Variants in MYO7A observed in about 807,000 individuals in gnomAD.
MYO7A encodes myosin VIIA.
A neutral mutation model predicts 263.8 loss-of-function variants in MYO7A; 210 were observed. The ratio of observed to expected loss-of-function variants is 0.80; its 90% CI spans 0.71 to 0.89. The LOEUF (loss-of-function observed/expected upper bound fraction) is 0.89, where lower values mean the gene tolerates loss of function less well. Ranked by LOEUF, MYO7A falls within the 40% of genes least tolerant of loss-of-function variation. MYO7A has a pLI of 0.00. For synonymous variants in MYO7A, 1,239 were observed against 1,197.3 expected (o/e 1.03, Z -0.72); for missense variants, 2,820 against 2,968.3 (o/e 0.95, Z 1.16).
rs1951589875 is a variant in MYO7A, at chr11:77,146,676, T to A, written c.133-1122T>A. On this transcript the variant is annotated intron_variant, in intron 3 of 48. Transcript: ENST00000409709. ...GGTGGGGGAGGACATGGCATGTGCA[T>A]CACATCTGCTCAGCGAGTCTCAGGG... Among the ~76,000 whole-genome samples, 9 of 152,118 alleles carry A rather than the reference T, an allele frequency of 5.9e-5. 1 individual carries two copies. In the South Asian group the frequency reaches 1.9e-3, roughly 32 times the overall value.
At chr11:77,196,729 G>GCT (rs34370532) in intron 32 of MYO7A, among the ~76,000 whole-genome samples, 88,336 of 151,500 alleles carry the variant, frequency 0.58, 26,192 homozygotes, top group African/African-American at 0.68. Context: ...CCCCTCATGG[G>GCT]CTCTCATGGG....
chr11:77,201,095 C>T (rs925513514), intron 35 of MYO7A, among the ~76,000 whole-genome samples: 1 of 152,158 alleles, frequency 6.6e-6, no homozygotes, highest in African/African-American at 2.4e-5. Context: ...AGCGTGATGC[C>T]AGCACAGAGG....
At chr11:77,160,140 A>G (rs1952849297) in intron 10 of MYO7A, 23 bp from the exon 11 acceptor site, 2 of 1,544,206 alleles carry the variant, frequency 1.3e-6, no homozygotes, top group Non-Finnish European at 1.7e-6. Context: ...GCAGGTGAGC[A>G]CCTGGGGTGT....
intron 15 of MYO7A, among the ~76,000 whole-genome samples, chr11:77,166,543 A>G (rs1193741746): frequency 6.6e-6 from 1 of 152,154 alleles, no homozygotes; most frequent in Admixed American, 6.5e-5. Flanking sequence ...AGAAGCTGGC[A>G]CAGAGGGCAT....
intron 37 of MYO7A, 111 bp from the exon 38 acceptor site, chr11:77,202,947 ACT>A: frequency 7.6e-7 from 1 of 1,310,640 alleles, no homozygotes; most frequent in Non-Finnish European, 1.0e-6. Context: ...CCTGGTGCCC[ACT>A]CTCAGCCTCT....
At chr11:77,208,404 G>A (rs955909004) in intron 42 of MYO7A, 26 bp from the exon 43 acceptor site, 3 of 1,561,638 alleles carry the variant, frequency 1.9e-6, no homozygotes, top group African/African-American at 1.4e-5. Flanking sequence ...CTTAAACTGA[G>A]TGTGCTTCGA....
intron 2 of MYO7A, among the ~76,000 whole-genome samples, chr11:77,136,966 G>A (rs1950926193): frequency 1.3e-5 from 2 of 152,202 alleles, no homozygotes; most frequent in South Asian, 4.1e-4. Context: ...CTTGTTAACA[G>A]TGTCCTCTGT....
intron 3 of MYO7A, among the ~76,000 whole-genome samples, chr11:77,145,515 C>G (rs1456151451): frequency 9.2e-5 from 14 of 152,290 alleles, no homozygotes; most frequent in African/African-American, 3.1e-4. Flanking sequence ...CGACAGCAGA[C>G]AGCCTGCCCA....
chr11:77,204,166 C>T lies in MYO7A; in HGVS notation c.5417C>T (p.Ala1806Val), dbSNP rs1311584542. ...CAGATCTTTGAGGGTCCCCTGAAAG[C>T]CGAGCCCCTGAAGGACGAGGCATAT... Reference protein sequence around the residue: ...TDQIFEGPLKAEPLKDEAYVQ... With the variant: ...TDQIFEGPLKVEPLKDEAYVQ... Residue 1806 changes from alanine to valine, a missense_variant, in exon 39 of 49, where the codon GCC (alanine) becomes GTC (valine). Transcript: ENST00000409709. The T allele has an allele frequency of 1.9e-6, 3 of 1,591,788 alleles. No individual in the cohort carries two copies. Among genetic ancestry groups the T allele is most frequent in the Non-Finnish European group, 2.6e-6 (3 of 1,169,628 alleles).
At chr11:77,190,954 G>A (rs1591418534) in intron 30 of MYO7A, 84 bp downstream of exon 30, 22 of 1,404,452 alleles carry the variant, frequency 1.6e-5, no homozygotes, top group East Asian at 1.5e-4. Context: ...CCTACTTGCC[G>A]GGGCTATTCA....
At chr11:77,181,021 T>C (rs1282981155) in intron 22 of MYO7A, among the ~76,000 whole-genome samples, 3 of 152,264 alleles carry the variant, frequency 2.0e-5, no homozygotes, top group Non-Finnish European at 4.4e-5. Context: ...CCTTTTTGCT[T>C]TTTAAAACGT....
At chr11:77,169,436 G>A (rs1359472914) in intron 15 of MYO7A, among the ~76,000 whole-genome samples, 1 of 152,200 alleles carries the variant, frequency 6.6e-6, no homozygotes, top group Non-Finnish European at 1.5e-5. Flanking sequence ...CTCTATGCAG[G>A]TGGCCTCCTG....
intron 2 of MYO7A, among the ~76,000 whole-genome samples, chr11:77,135,105 A>G (rs989161235): frequency 3.3e-5 from 5 of 152,212 alleles, no homozygotes; most frequent in Non-Finnish European, 5.9e-5. Flanking sequence ...CTTTAAGTAC[A>G]TAGTTCAGTG....
intron 11 of MYO7A, 31 bp downstream of exon 11, chr11:77,160,313 C>A (rs1952875753): frequency 6.5e-7 from 1 of 1,541,952 alleles, no homozygotes; most frequent in Non-Finnish European, 8.7e-7. Context: ...CGCTTGCTCG[C>A]CCTACCCCTT....
chr11:77,150,600 G>A (rs184223506), intron 4 of MYO7A, among the ~76,000 whole-genome samples: 116 of 152,280 alleles, frequency 7.6e-4, no homozygotes, highest in Middle Eastern at 3.4e-3. Context: ...TTTTCTGGGC[G>A]AGAGGGAGGA....
Position 77,208,819 on chromosome 11 carries a change from C to A in MYO7A, c.6051+16C>A. On this transcript the variant is annotated intron_variant, in intron 44 of 48. Transcript: ENST00000409709. The stretch of plus-strand genomic sequence containing the variant: ...CTATTACCAGGTGGGCACCTCTGCA[C>A]TCTAGTTGCCTTCGTGCACAGCTAG... 1 of 1,522,312 alleles carries A rather than the reference C, an allele frequency of 6.6e-7. No individual in the cohort carries two copies. The highest frequency in any genetic ancestry group is 1.2e-5 in the South Asian group (1 of 83,498). 94.3% of individuals were successfully genotyped at this position (1,522,312 alleles called of 1,614,324 possible). A position where few individuals can be genotyped will look rare whatever the true frequency, so the allele number is the denominator to read the frequency against.
intron 34 of MYO7A, among the ~76,000 whole-genome samples, chr11:77,198,917 A>T (rs994130168): frequency 3.3e-5 from 5 of 152,170 alleles, no homozygotes; most frequent in African/African-American, 1.2e-4. Flanking sequence ...AGTAGCACTC[A>T]CTCTATGTCT....
chr11:77,204,200 C>T lies in MYO7A; in HGVS notation c.5451C>T (p.Ile1817=). 1 of 1,581,028 alleles carries T rather than the reference C, an allele frequency of 6.3e-7. No individual in the cohort carries two copies. The highest frequency in any genetic ancestry group is 8.6e-7 in the Non-Finnish European group (1 of 1,163,842). The change falls in exon 39 of 49, where the codon ATC becomes ATT. Residue 1817 remains isoleucine, a synonymous_variant. Coordinates refer to ENST00000409709, the MANE Select transcript of MYO7A (RefSeq NM_000260.4). ...TGAAGGACGAGGCATATGTGCAGATCCTGAAGCAGCTGACCGACAACCACA... is the reference window on the plus strand; with the variant it reads ...TGAAGGACGAGGCATATGTGCAGATTCTGAAGCAGCTGACCGACAACCACA... The part of the protein sequence containing the change: ...EPLKDEAYVQ[I]LKQLTDNHIR...
Position 77,202,283 on chromosome 11 carries a change from T to C in MYO7A, c.5044-17T>C, listed in dbSNP as rs1292514012. 2.5e-6 allele frequency: 4 copies of C among 1,574,578 alleles called. No individual in the cohort carries two copies. In the South Asian group the frequency reaches 4.7e-5, roughly 18 times the overall value. ...AGGTAGAGAGCTGACCTGAGCCCCCTGTCTCTTGGTCCCTAGGCCCTGGTC... is the reference window on the plus strand; with the variant it reads ...AGGTAGAGAGCTGACCTGAGCCCCCCGTCTCTTGGTCCCTAGGCCCTGGTC... On this transcript the variant is annotated splice_polypyrimidine_tract_variant and intron_variant, in intron 36 of 48. Coordinates refer to ENST00000409709, the MANE Select transcript of MYO7A (RefSeq NM_000260.4).
Sources: allele counts gnomAD v4.1 joint callset (sites outside exome capture counted in the v4.1 genomes callset), GRCh38; gene constraint gnomAD v4.1.1; transcripts MANE v1.5; gene names NCBI Gene and HGNC (gene_info 2026-07-23, HGNC 2026-07-21).